GRIN2A: variants seen among roughly 807,000 people sequenced by gnomAD.
The protein encoded by GRIN2A is glutamate receptor ionotropic, NMDA 2A.
In GRIN2A, 22 loss-of-function variants were observed where a neutral mutation model predicts 113.4. That is an observed-to-expected ratio of 0.19 (90% CI 0.14 to 0.28). GRIN2A has a LOEUF of 0.28. Among genes scored for constraint, GRIN2A ranks in the 10% least tolerant of loss-of-function variants. The pLI is 1.00. For synonymous variants in GRIN2A, 827 were observed against 738.4 expected (o/e 1.12, Z -1.94); for missense variants, 1,502 against 1,887.0 (o/e 0.80, Z 3.78).
At chr16:10,058,445 A>G (rs763839454) in intron 2 of GRIN2A, among the ~76,000 whole-genome samples, 1 of 152,236 alleles carries the variant, frequency 6.6e-6, no homozygotes, top group Non-Finnish European at 1.5e-5. Context: ...TGCTGTGTCT[A>G]CTAACTACAA....
At chr16:10,039,921 G>A (rs998640346) in intron 2 of GRIN2A, among the ~76,000 whole-genome samples, 5 of 94,928 alleles carry the variant, frequency 5.3e-5, no homozygotes, top group South Asian at 4.0e-4. Context: ...CACTCACAGC[G>A]CACATGCAAA....
chr16:9,758,458 A>G lies in GRIN2A; in HGVS notation c.*4691T>C. ...TCCCTACAACTGAGATTAAAAAAAT[A>G]TAGTGCCCTCTCTACAGAAATATCC... is the stretch of plus-strand genomic sequence containing the variant. On this transcript the variant is annotated 3_prime_UTR_variant, in exon 13 of 13. Coordinates refer to ENST00000330684, the MANE Select transcript of GRIN2A (RefSeq NM_001134407.3). 4.6e-6 allele frequency: 1 copy of G among 219,570 alleles called. No individual in the cohort carries two copies. The highest frequency in any genetic ancestry group is 1.4e-3 in the Middle Eastern group (1 of 706). 13.6% of individuals were successfully genotyped at this position (219,570 alleles called of 1,614,324 possible).
At chr16:9,780,311 T>C (rs969569601) in intron 11 of GRIN2A, among the ~76,000 whole-genome samples, 4 of 151,976 alleles carry the variant, frequency 2.6e-5, no homozygotes, top group Non-Finnish European at 5.9e-5. Context: ...TACAAAAATA[T>C]CCAAAGCAGA....
At chr16:9,983,213 C>T (rs1331385912) in intron 2 of GRIN2A, among the ~76,000 whole-genome samples, 1 of 152,160 alleles carries the variant, frequency 6.6e-6, no homozygotes, top group Non-Finnish European at 1.5e-5. Flanking sequence ...AGAACCTATG[C>T]TTCCTGTCTA....
At chr16:10,143,149 A>G (rs949972788) in intron 2 of GRIN2A, among the ~76,000 whole-genome samples, 1 of 152,222 alleles carries the variant, frequency 6.6e-6, no homozygotes, top group Non-Finnish European at 1.5e-5. Flanking sequence ...GTTGGTATGC[A>G]TGTCGCTGGT....
At chr16:9,983,113 T>C (rs1442725457) in intron 2 of GRIN2A, among the ~76,000 whole-genome samples, 1 of 152,202 alleles carries the variant, frequency 6.6e-6, no homozygotes, top group Non-Finnish European at 1.5e-5. Context: ...ATTTCTTGTA[T>C]TTAGAACATT....
chr16:10,177,777 G>T lies in GRIN2A; in HGVS notation c.414+2221C>A, dbSNP rs965469602. 2.0e-5 allele frequency among the ~76,000 whole-genome samples: 3 copies of T among 152,106 alleles called. No homozygotes were observed. In the South Asian group the frequency reaches 6.2e-4, roughly 32 times the overall value. On this transcript the variant is annotated intron_variant, in intron 2 of 12. Transcript: ENST00000330684. ...GGAAGAACAGTTGCTGGTCTAGTTG[G>T]TCACAACCTGCCATTCACTGGGTCA...
At chr16:9,876,168 CAG>C (rs2043361793) in intron 4 of GRIN2A, among the ~76,000 whole-genome samples, 3 of 152,242 alleles carry the variant, frequency 2.0e-5, no homozygotes, top group African/African-American at 7.2e-5. Flanking sequence ...ATCCAAGGCT[CAG>C]GGCATAAAAT....
intron 2 of GRIN2A, among the ~76,000 whole-genome samples, chr16:9,986,687 C>A (rs966244401): frequency 2.0e-5 from 3 of 148,486 alleles, no homozygotes; most frequent in African/African-American, 7.5e-5. Flanking sequence ...ATCACTTAAA[C>A]TCAGGAGACG....
chr16:10,161,258 G>GA (rs1320613217), intron 2 of GRIN2A, among the ~76,000 whole-genome samples: 1 of 152,146 alleles, frequency 6.6e-6, no homozygotes, highest in African/African-American at 2.4e-5. Flanking sequence ...GCCATATGAA[G>GA]AAGTACATGT....
chr16:9,894,362 G>C (rs924482399), intron 3 of GRIN2A, among the ~76,000 whole-genome samples: 2 of 152,194 alleles, frequency 1.3e-5, no homozygotes, highest in African/African-American at 4.8e-5. Context: ...GCAGCCAATA[G>C]GGGCAGAAGT....
intron 11 of GRIN2A, among the ~76,000 whole-genome samples, chr16:9,785,464 A>G (rs1352518736): frequency 2.0e-5 from 3 of 149,908 alleles, no homozygotes; most frequent in Non-Finnish European, 4.4e-5. Flanking sequence ...GGGGAGGGAT[A>G]GCATTAGGAG....
intron 5 of GRIN2A, among the ~76,000 whole-genome samples, chr16:9,846,228 G>A (rs2042769665): frequency 1.3e-5 from 2 of 152,068 alleles, no homozygotes; most frequent in African/African-American, 2.4e-5. Flanking sequence ...CAGGAGAGTG[G>A]AGGCTGGGGG....
Position 9,844,760 on chromosome 16 carries a change from C to T in GRIN2A, c.1329-3656G>A, listed in dbSNP as rs531723480. 1.1e-4 allele frequency among the ~76,000 whole-genome samples: 17 copies of T among 152,290 alleles called. No individual in the cohort carries two copies. In the South Asian group the frequency reaches 3.5e-3, roughly 32 times the overall value. ...CACTTAAAAATAAATTTCCTTTCTT[C>T]CCACCAATGATTTGACAGTTTGGGA... On this transcript the variant is annotated intron_variant, in intron 5 of 12. Transcript: ENST00000330684.
chr16:10,164,142 G>A (rs1297063336), intron 2 of GRIN2A, among the ~76,000 whole-genome samples: 1 of 152,190 alleles, frequency 6.6e-6, no homozygotes, highest in Non-Finnish European at 1.5e-5. Context: ...TCTCTCCGGG[G>A]TAGGGGCAAC....
intron 4 of GRIN2A, among the ~76,000 whole-genome samples, chr16:9,871,841 C>G (rs777766359): frequency 3.3e-5 from 5 of 152,110 alleles, no homozygotes; most frequent in Non-Finnish European, 7.4e-5. Flanking sequence ...CACTTAAATT[C>G]TCTATCTCCC....
rs369242188 is a variant in GRIN2A at position 9,879,110 on chromosome 16, T to C, written c.1122+11876A>G. On this transcript the variant is annotated intron_variant, in intron 4 of 12. Coordinates refer to ENST00000330684, the MANE Select transcript of GRIN2A (RefSeq NM_001134407.3). Reference sequence around the variant, plus strand: ...GATGCACAGATGATAATTTTAAATGTTTTATAATGGCTCAATTTTCCCTCT... The same window carrying C: ...GATGCACAGATGATAATTTTAAATGCTTTATAATGGCTCAATTTTCCCTCT... 3.9e-5 allele frequency among the ~76,000 whole-genome samples: 6 copies of C among 152,316 alleles called. No homozygotes were observed. In the South Asian group the frequency reaches 1.2e-3, roughly 32 times the overall value.
At chr16:9,914,888 G>T (rs1384355733) in intron 3 of GRIN2A, among the ~76,000 whole-genome samples, 1 of 74,748 alleles carries the variant, frequency 1.3e-5, no homozygotes, top group Non-Finnish European at 2.6e-5. Flanking sequence ...TTTATTTACA[G>T]CCTATTGATT....
intron 11 of GRIN2A, among the ~76,000 whole-genome samples, chr16:9,788,855 G>C (rs2141202804): frequency 6.6e-6 from 1 of 150,518 alleles, no homozygotes; most frequent in South Asian, 2.1e-4. Context: ...TAATTCTCCT[G>C]CCTCAGCCTC....
Sources: allele counts gnomAD v4.1 joint callset (sites outside exome capture counted in the v4.1 genomes callset), GRCh38; gene constraint gnomAD v4.1.1; transcripts MANE v1.5; gene names NCBI Gene and HGNC (gene_info 2026-07-23, HGNC 2026-07-21).